ARHGAP24: variants seen among roughly 807,000 people sequenced by gnomAD.
ARHGAP24 encodes rho GTPase-activating protein 24.
ARHGAP24 carries 50 observed loss-of-function variants against 76.4 expected under a neutral mutation model. The ratio of observed to expected loss-of-function variants is 0.65; its 90% confidence interval spans 0.52 to 0.83. ARHGAP24 has a LOEUF of 0.83. ARHGAP24 is among the 40% of genes least tolerant of loss of function. The probability of loss-of-function intolerance (pLI) is 0.00; values close to 1 mark genes in which losing one functional copy is unlikely to be tolerated. For synonymous variants in ARHGAP24, 345 were observed against 323.3 expected (o/e 1.07, Z -0.72); for missense variants, 930 against 914.2 (o/e 1.02, Z -0.22).
intron 2 of ARHGAP24, among the ~76,000 whole-genome samples, chr4:85,710,833 G>A (rs1724500514): frequency 6.6e-6 from 1 of 151,980 alleles, no homozygotes; most frequent in South Asian, 2.1e-4. Flanking sequence ...AGGTTGCTGA[G>A]AAAAAGGAAT....
intron 2 of ARHGAP24, among the ~76,000 whole-genome samples, chr4:85,716,504 T>C (rs1258061346): frequency 1.3e-5 from 2 of 152,130 alleles, no homozygotes; most frequent in Non-Finnish European, 2.9e-5. Flanking sequence ...GCTGAACTCT[T>C]ATCAAAAAGG....
rs748919550 is a variant in ARHGAP24, at chr4:85,864,491, CG to C, written c.269-59156del. On this transcript the variant is annotated intron_variant, in intron 3 of 9. Transcript: ENST00000395184. ...TTTGGTACAGATTTATCTTGAATTCCGTATCTTCTAAGAGATCCAGAATTAC... is the reference window on the plus strand; with the variant it reads ...TTTGGTACAGATTTATCTTGAATTCCTATCTTCTAAGAGATCCAGAATTAC... Among the ~76,000 whole-genome samples, 10 of 152,078 alleles carry C rather than the reference CG, an allele frequency of 6.6e-5. No homozygotes were observed. In the South Asian group the frequency reaches 1.2e-3, roughly 19 times the overall value.
intron 3 of ARHGAP24, among the ~76,000 whole-genome samples, chr4:85,856,673 G>T (rs1731592867): frequency 2.0e-5 from 3 of 151,890 alleles, no homozygotes; most frequent in African/African-American, 7.3e-5. Context: ...GTTTCACCAT[G>T]TTGACCAAGC....
intron 7 of ARHGAP24, among the ~76,000 whole-genome samples, chr4:85,976,421 A>T (rs865967766): frequency 6.6e-5 from 10 of 152,298 alleles, no homozygotes; most frequent in Admixed American, 5.2e-4. Flanking sequence ...CTGGTACCAC[A>T]TGACTCTCAT....
chr4:85,682,589 G>A (rs952762773), intron 2 of ARHGAP24, among the ~76,000 whole-genome samples: 4 of 152,212 alleles, frequency 2.6e-5, no homozygotes, highest in African/African-American at 9.6e-5. Flanking sequence ...CATCAGTTTA[G>A]CCTCCAGAGA....
At chr4:85,998,704 A>G (rs1439130765) in intron 9 of ARHGAP24, among the ~76,000 whole-genome samples, 1 of 152,136 alleles carries the variant, frequency 6.6e-6, no homozygotes, top group Non-Finnish European at 1.5e-5. Flanking sequence ...GCTTACTAAT[A>G]CTCTGATGAG....
intron 5 of ARHGAP24, among the ~76,000 whole-genome samples, chr4:85,967,137 G>A (rs900523892): frequency 6.6e-6 from 1 of 152,030 alleles, no homozygotes; most frequent in African/African-American, 2.4e-5. Context: ...GGCCTATGTT[G>A]CACCTAGATG....
intron 1 of ARHGAP24, among the ~76,000 whole-genome samples, chr4:85,514,550 T>C (rs569084047): frequency 1.3e-5 from 2 of 152,130 alleles, no homozygotes; most frequent in South Asian, 2.1e-4. Context: ...CATGTCCCAC[T>C]GGAGAAAAGG....
intron 1 of ARHGAP24, among the ~76,000 whole-genome samples, chr4:85,535,036 G>A (rs1367277418): frequency 6.6e-6 from 1 of 151,794 alleles, no homozygotes; most frequent in Non-Finnish European, 1.5e-5. Flanking sequence ...ATAAAGAGTT[G>A]AAGTATATGA....
chr4:85,839,696 G>A (rs1271007602), intron 3 of ARHGAP24, among the ~76,000 whole-genome samples: 3 of 151,824 alleles, frequency 2.0e-5, no homozygotes, highest in Admixed American at 6.6e-5. Flanking sequence ...TGATCCACCC[G>A]CCTCAGCCTC....
chr4:85,666,946 G>C (rs879219292), intron 2 of ARHGAP24, among the ~76,000 whole-genome samples: 2 of 152,168 alleles, frequency 1.3e-5, no homozygotes, highest in African/African-American at 2.4e-5. Flanking sequence ...GGGGTCATGG[G>C]TCAGGGACCC....
chr4:85,495,869 A>G (rs1578185467), intron 1 of ARHGAP24, among the ~76,000 whole-genome samples: 1 of 152,324 alleles, frequency 6.6e-6, no homozygotes, highest in East Asian at 1.9e-4. Context: ...GACTGTCAGC[A>G]TTATTTCTCT....
intron 3 of ARHGAP24, among the ~76,000 whole-genome samples, chr4:85,758,052 AG>A (rs536364201): frequency 2.9e-4 from 42 of 146,418 alleles, no homozygotes; most frequent in African/African-American, 1.0e-3. Flanking sequence ...GTGCTTTGGA[AG>A]AAGAAGGGGG....
intron 3 of ARHGAP24, among the ~76,000 whole-genome samples, chr4:85,882,866 T>A (rs1452336300): frequency 1.3e-5 from 2 of 152,138 alleles, no homozygotes; most frequent in Non-Finnish European, 2.9e-5. Context: ...AAACAGAATT[T>A]GCCCAGAGCA....
At chr4:85,912,447 C>A (rs977055134) in intron 3 of ARHGAP24, among the ~76,000 whole-genome samples, 5 of 152,134 alleles carry the variant, frequency 3.3e-5, no homozygotes, top group Non-Finnish European at 5.9e-5. Context: ...ATTGTAATTG[C>A]TTAAGATAAA....
chr4:85,901,179 A>G (rs1289591468), intron 3 of ARHGAP24, among the ~76,000 whole-genome samples: 1 of 152,186 alleles, frequency 6.6e-6, no homozygotes, highest in African/African-American at 2.4e-5. Flanking sequence ...CATACTTTCT[A>G]TTCTGTTTGG....
At chr4:85,955,595 T>G (rs996007364) in intron 5 of ARHGAP24, among the ~76,000 whole-genome samples, 1 of 152,170 alleles carries the variant, frequency 6.6e-6, no homozygotes, top group African/African-American at 2.4e-5. Context: ...CATCTCCACA[T>G]GGCATTCATC....
chr4:85,666,127 A>T (rs937459504), intron 2 of ARHGAP24, among the ~76,000 whole-genome samples: 1 of 152,158 alleles, frequency 6.6e-6, no homozygotes, highest in Non-Finnish European at 1.5e-5. Flanking sequence ...ACTTGGTTCC[A>T]TTCTGCCCAT....
intron 2 of ARHGAP24, among the ~76,000 whole-genome samples, chr4:85,586,111 C>T (rs1057076332): frequency 7.2e-5 from 11 of 152,164 alleles, no homozygotes; most frequent in Non-Finnish European, 1.0e-4. Flanking sequence ...CTCTTGTTAT[C>T]GCTCTTTCTT....
Sources: gnomAD v4.1 joint callset for allele counts (sites outside exome capture counted in the v4.1 genomes callset) on GRCh38, gnomAD v4.1.1 for gene constraint, MANE v1.5 for transcripts, NCBI Gene and HGNC (gene_info 2026-07-23, HGNC 2026-07-21) for gene names.